Variants in NEIL1 observed in about 807,000 individuals in gnomAD.
NEIL1 encodes the protein endonuclease 8-like 1.
Under a neutral mutation model 44.2 loss-of-function variants are expected in NEIL1, and 31 were observed. That is an observed-to-expected ratio of 0.70 (90% CI 0.53 to 0.95). The LOEUF (loss-of-function observed/expected upper bound fraction) is 0.95. Ranked by LOEUF, NEIL1 falls within the 40% of genes least tolerant of loss-of-function variation. The pLI is 0.00. For synonymous variants in NEIL1, 254 were observed against 209.7 expected (o/e 1.21, Z -1.83); for missense variants, 549 against 515.5 (o/e 1.07, Z -0.63).
At chr15:75,354,112 C>A in intron 6 of NEIL1, 138 bp from the exon 7 acceptor site, 1 of 1,109,390 alleles carries the variant, frequency 9.0e-7, no homozygotes, top group Non-Finnish European at 1.3e-6. Context: ...TGGACTCTAA[C>A]ATGGGGGATG....
In NEIL1 at chr15:75,356,320, A is replaced by T; in HGVS notation, c.*1286A>T. 2 of 1,611,366 alleles carry T rather than the reference A, an allele frequency of 1.2e-6. No individual in the cohort carries two copies. Among genetic ancestry groups the T allele is most frequent in the Non-Finnish European group, 1.7e-6 (2 of 1,179,236 alleles). The stretch of plus-strand genomic sequence containing the variant: ...CCTTGCCTGCTTGACGGTCTCCAAT[A>T]CGACCGCGGGTGAAGACACGGAAAA... On this transcript the variant is annotated 3_prime_UTR_variant, in exon 10 of 10. Transcript: ENST00000355059. This position sits in a 1 kb window ranked among gnomAD's most constrained non-coding sequence, Gnocchi z 5.8.
At position 75,356,412 on chromosome 15, in the gene NEIL1, G is replaced by A; in HGVS notation, c.*1378G>A. The A allele has an allele frequency of 6.2e-7, 1 of 1,609,168 alleles. No homozygotes were observed. Among genetic ancestry groups the A allele is most frequent in the East Asian group, 2.2e-5 (1 of 44,770 alleles). ...GAGCCAACAGGGGGAAGTTTAGGCT[G>A]TAGGCAGCTTGGATAACGCCAGCAT... On this transcript the variant is annotated 3_prime_UTR_variant, in exon 10 of 10. Coordinates refer to ENST00000355059, the MANE Select transcript of NEIL1 (RefSeq NM_024608.4). The surrounding 1 kb of genome is among the most constrained non-coding windows in gnomAD (Gnocchi z 5.8).
rs199959728 is a variant in NEIL1, at chr15:75,352,098, C to G, written c.435-13C>G. The G allele has an allele frequency of 5.0e-6, 8 of 1,613,968 alleles. No individual in the cohort carries two copies. The Admixed American group carries it at 1.0e-4, about 20-fold the overall frequency. ...GGGGATGGGTCTTACGCACCCAGAC[C>G]GTGTTCCTCCAGGGAGAATGTGCTA... is the stretch of plus-strand genomic sequence containing the variant. On this transcript the variant is annotated splice_polypyrimidine_tract_variant and intron_variant, in intron 2 of 9. Transcript: ENST00000355059.
Position 75,356,299 on chromosome 15 carries a change from G to A in NEIL1, c.*1265G>A. ...CCGTCCCCAGCACGTCCCACCCCTT[G>A]CCTGCTTGACGGTCTCCAATACGAC... is the stretch of plus-strand genomic sequence containing the variant. On this transcript the variant is annotated 3_prime_UTR_variant, in exon 10 of 10. Coordinates refer to ENST00000355059, the MANE Select transcript of NEIL1 (RefSeq NM_024608.4). This position sits in a 1 kb window ranked among gnomAD's most constrained non-coding sequence, Gnocchi z 5.8. 1 of 1,612,270 alleles carries A rather than the reference G, an allele frequency of 6.2e-7. No individual in the cohort carries two copies. The highest frequency in any genetic ancestry group is 8.5e-7 in the Non-Finnish European group (1 of 1,179,328).
chr15:75,355,668 T>C lies in NEIL1; in HGVS notation c.*634T>C. ...CCTGTGGGGGCTGCAACCCAGACCC[T>C]GCACGCACAGGTACCTTAGGATCTT... On this transcript the variant is annotated 3_prime_UTR_variant, in exon 10 of 10. Coordinates refer to ENST00000355059, the MANE Select transcript of NEIL1 (RefSeq NM_024608.4). 1 of 510,210 alleles carries C rather than the reference T, an allele frequency of 2.0e-6. No homozygotes were observed. Among genetic ancestry groups the C allele is most frequent in the South Asian group, 2.1e-5 (1 of 46,810 alleles). The allele number at this position is 510,210 out of a possible 1,614,324, so 31.6% of individuals were successfully genotyped here.
At position 75,352,148 on chromosome 15, in the gene NEIL1, G is replaced by T; in HGVS notation, c.472G>T (p.Asp158Tyr). 6.2e-7 allele frequency: 1 copy of T among 1,614,160 alleles called. No individual in the cohort carries two copies. The highest frequency in any genetic ancestry group is 1.1e-5 in the South Asian group (1 of 91,062). Reference protein sequence around the residue: ...VLRNLADKAFDRPICEALLDQ... With the variant: ...VLRNLADKAFYRPICEALLDQ... ...ACGAAACCTAGCGGATAAGGCCTTT[G>T]ACCGGCCCATCTGCGAGGCCCTCCT... Residue 158 changes from aspartate to tyrosine, a missense_variant, in exon 3 of 10, where the codon GAC (aspartate) becomes TAC (tyrosine). Physicochemically the swap from Asp to Tyr is radical, Grantham distance 160. Transcript: ENST00000355059.
At chr15:75,353,279 T>G (rs550990645) in intron 5 of NEIL1, 1 of 265,650 alleles carries the variant, frequency 3.8e-6, no homozygotes, top group African/African-American at 2.2e-5. Flanking sequence ...TTGGTAGAGA[T>G]AGGATCTTGC....
At chr15:75,352,033 A>G (rs2071936193) in intron 2 of NEIL1, 78 bp from the exon 3 acceptor site, 7 of 1,458,774 alleles carry the variant, frequency 4.8e-6, no homozygotes, top group South Asian at 4.6e-5. Context: ...TGCACCCAGA[A>G]ACAGGTTCTC....
At position 75,356,902 on chromosome 15, in the gene NEIL1, C is replaced by G; in HGVS notation, c.*1868C>G. On this transcript the variant is annotated 3_prime_UTR_variant, in exon 10 of 10. Coordinates refer to ENST00000355059, the MANE Select transcript of NEIL1 (RefSeq NM_024608.4). This position sits in a 1 kb window ranked among gnomAD's most constrained non-coding sequence, Gnocchi z 5.8. ...AGATCCATCCAGCGATGGGCCCACACCTGGAGGGCAGATCCAAGACCCACT... is the reference window on the plus strand; with the variant it reads ...AGATCCATCCAGCGATGGGCCCACAGCTGGAGGGCAGATCCAAGACCCACT... 7 of 1,613,556 alleles carry G rather than the reference C, an allele frequency of 4.3e-6. No homozygotes were observed. Among genetic ancestry groups the G allele is most frequent in the Non-Finnish European group, 5.9e-6 (7 of 1,179,574 alleles).
chr15:75,354,365 C>A, intron 7 of NEIL1, 66 bp from the exon 8 acceptor site: 1 of 1,612,088 alleles, frequency 6.2e-7, no homozygotes, highest in South Asian at 1.1e-5. Context: ...CCCTATCCCC[C>A]TGCAACCCTG....
In NEIL1 at chr15:75,354,632, AC is replaced by A; in HGVS notation, c.937-18del. 6.2e-7 allele frequency: 1 copy of A among 1,613,876 alleles called. No individual in the cohort carries two copies. On this transcript the variant is annotated intron_variant, in intron 8 of 9. Coordinates refer to ENST00000355059, the MANE Select transcript of NEIL1 (RefSeq NM_024608.4). ...GAACTGCTTTCTGAGCCCCTCAGGG[AC>A]CCGTGTCTCCTCCATCCAGGACGCT...
At chr15:75,352,750 A>C in intron 5 of NEIL1, 49 bp downstream of exon 5, 2 of 1,448,492 alleles carry the variant, frequency 1.4e-6, no homozygotes, top group Non-Finnish European at 1.9e-6. Context: ...TGATTGTGTA[A>C]CCCTGGGGCA....
At position 75,352,364 on chromosome 15, in the gene NEIL1, G is replaced by C. The variant is rs373409310; in HGVS notation, c.595G>C (p.Glu199Gln). 1 of 1,614,010 alleles carries C rather than the reference G, an allele frequency of 6.2e-7. No individual in the cohort carries two copies. The highest frequency in any genetic ancestry group is 8.5e-7 in the Non-Finnish European group (1 of 1,180,030). The change falls in exon 4 of 10, where the codon GAG becomes CAG. Residue 199 changes from glutamate (E) to glutamine (Q), a missense_variant. Physicochemically the swap from Glu to Gln is conservative, Grantham distance 29. Transcript: ENST00000355059. ...PPFEKARSVLEALQQHRPSPE... is the reference protein window; with the variant it reads ...PPFEKARSVLQALQQHRPSPE... ...CTTTGAGAAGGCCCGCTCGGTCCTG[G>C]AGGCCCTGCAGCAGCACAGGCCGGT...
At position 75,352,670 on chromosome 15, in the gene NEIL1, T is replaced by C. The variant is rs2072010349; in HGVS notation, c.687T>C (p.Cys229=). 1.2e-6 allele frequency: 2 copies of C among 1,613,066 alleles called. No individual in the cohort carries two copies. Among genetic ancestry groups the C allele is most frequent in the Non-Finnish European group, 1.7e-6 (2 of 1,179,490 alleles). The change falls in exon 5 of 10, where the codon TGT becomes TGC. Residue 229 remains cysteine, a synonymous_variant. Transcript: ENST00000355059. ...KLQNPDLLEL[C]HSVPKEVVQL... ...AGAATCCAGACCTGCTGGAGCTATG[T>C]CACTCAGTGCCCAAGGAAGTGGTCC... is the stretch of plus-strand genomic sequence containing the variant.
Position 75,356,746 on chromosome 15 carries a change from C to T in NEIL1, c.*1712C>T, listed in dbSNP as rs773045287. 6.2e-7 allele frequency: 1 copy of T among 1,612,680 alleles called. No homozygotes were observed. The highest frequency in any genetic ancestry group is 1.1e-5 in the South Asian group (1 of 91,068). On this transcript the variant is annotated 3_prime_UTR_variant, in exon 10 of 10. Transcript: ENST00000355059. This position sits in a 1 kb window ranked among gnomAD's most constrained non-coding sequence, Gnocchi z 5.8. Reference sequence around the variant, plus strand: ...GCTGTTGGAGTTGTGGTCGGGAAGACCCATTTCTCCATGCCAGCTCCCAGG... The same window carrying T: ...GCTGTTGGAGTTGTGGTCGGGAAGATCCATTTCTCCATGCCAGCTCCCAGG...
rs1431134301 is a variant in NEIL1 at position 75,349,352 on chromosome 15, CCAGGTGTGATGAA to C, written c.434+16_434+28del. The C allele has an allele frequency of 2.5e-6, 4 of 1,590,002 alleles. No homozygotes were observed. In the East Asian group the frequency reaches 9.0e-5, roughly 36 times the overall value. ...ACCAGCAGTTCAGGTAGGGCCAGCA[CCAGGTGTGATGAA>C]CATAGTCGCGGGCTCCACACCTGAC... On this transcript the variant is annotated intron_variant, in intron 2 of 9. Coordinates refer to ENST00000355059, the MANE Select transcript of NEIL1 (RefSeq NM_024608.4).
chr15:75,355,738 TCCC>T lies in NEIL1; in HGVS notation c.*705_*707del. ...CTGGGAAGCCATCCCACCCCAGACTTCCCACCCCCACCCCAAGCGTGAGGATGG... is the reference window on the plus strand; with the variant it reads ...CTGGGAAGCCATCCCACCCCAGACTTACCCCCACCCCAAGCGTGAGGATGG... On this transcript the variant is annotated 3_prime_UTR_variant, in exon 10 of 10. Coordinates refer to ENST00000355059, the MANE Select transcript of NEIL1 (RefSeq NM_024608.4). 2 of 634,994 alleles carry T rather than the reference TCCC, an allele frequency of 3.1e-6. No homozygotes were observed. Among genetic ancestry groups the T allele is most frequent in the Non-Finnish European group, 5.1e-6 (2 of 394,140 alleles). 39.3% of individuals were successfully genotyped at this position (634,994 alleles called of 1,614,324 possible).
Position 75,348,769 on chromosome 15 carries a change from C to T in NEIL1, c.-22-115C>T, listed in dbSNP as rs1595851400. On this transcript the variant is annotated intron_variant, in intron 1 of 9. Transcript: ENST00000355059. ...GCCAGGCCCGCACTTTCCTGCCAGC[C>T]GCAGCTGGCCACATGCCCATCTGAC... 7.5e-6 allele frequency: 11 copies of T among 1,465,000 alleles called. No homozygotes were observed. In the East Asian group the frequency reaches 2.4e-4, roughly 33 times the overall value. The allele number at this position is 1,465,000 out of a possible 1,614,324, so 90.8% of individuals were successfully genotyped here.
intron 8 of NEIL1, 79 bp downstream of exon 8, chr15:75,354,571 G>A: frequency 6.2e-7 from 1 of 1,613,192 alleles, no homozygotes; most frequent in Non-Finnish European, 8.5e-7. Context: ...CTTACCCTAA[G>A]AGGGCGGGGG....
Sources: gnomAD v4.1 joint callset for allele counts on GRCh38, gnomAD v4.1.1 for gene constraint, Gnocchi (gnomAD v3.1) non-coding constraint, MANE v1.5 for transcripts, NCBI Gene and HGNC (gene_info 2026-07-23, HGNC 2026-07-21) for gene names.